The following ENOX1 variants were observed in gnomAD, a reference collection of about 807,000 sequenced individuals.
ENOX1 encodes ecto-NOX disulfide-thiol exchanger 1.
In ENOX1, 42 loss-of-function variants were observed where a neutral mutation model predicts 82.5. The ratio of observed to expected loss-of-function variants is 0.51; its 90% CI spans 0.40 to 0.66. The LOEUF is 0.66. ENOX1 is among the 30% of genes least tolerant of loss of function. The probability of loss-of-function intolerance (pLI) is 0.00; values close to 1 mark genes in which losing one functional copy is unlikely to be tolerated. For missense variants in ENOX1, 608 were observed against 811.6 expected (o/e 0.75, Z 3.05); for synonymous variants, 271 against 282.2 (o/e 0.96, Z 0.40).
intron 14 of ENOX1, among the ~76,000 whole-genome samples, chr13:43,251,949 T>C (rs1047325492): frequency 1.2e-4 from 18 of 152,258 alleles, no homozygotes; most frequent in South Asian, 2.1e-4. Context: ...GTGTGTGTGA[T>C]TGTGCGTGTG....
At chr13:43,405,639 G>A (rs2053750566) in intron 5 of ENOX1, among the ~76,000 whole-genome samples, 1 of 152,116 alleles carries the variant, frequency 6.6e-6, no homozygotes, top group African/African-American at 2.4e-5. Flanking sequence ...TGTTCCATGT[G>A]GTCTTAGTCA....
rs1351887090 is a variant in ENOX1, at chr13:43,511,980, T to C, written c.-218-27828A>G. On this transcript the variant is annotated intron_variant, in intron 2 of 16. Transcript: ENST00000690772. ...ATGGATATTATATATATATACACTA[T>C]GGACAATATATATAGTATCTATGGA... Among the ~76,000 whole-genome samples the C allele has an allele frequency of 2.0e-5, 3 of 152,136 alleles. No individual in the cohort carries two copies. The East Asian group carries it at 5.8e-4, about 29-fold the overall frequency.
chr13:43,371,646 CAT>C (rs1207208925), intron 5 of ENOX1, among the ~76,000 whole-genome samples: 1 of 152,122 alleles, frequency 6.6e-6, no homozygotes, highest in African/African-American at 2.4e-5. Flanking sequence ...GGTAACGTCT[CAT>C]AAATTTTAAA....
At position 43,667,544 on chromosome 13, in the gene ENOX1, C is replaced by G; in HGVS notation, c.-284G>C. 8.2e-6 allele frequency: 8 copies of G among 976,092 alleles called. No homozygotes were observed. Among genetic ancestry groups the G allele is most frequent in the Non-Finnish European group, 9.7e-6 (8 of 821,290 alleles). 60.5% of individuals were successfully genotyped at this position (976,092 alleles called of 1,614,324 possible). A position where few individuals can be genotyped will look rare whatever the true frequency, so the allele number is the denominator to read the frequency against. On this transcript the variant is annotated splice_region_variant and 5_prime_UTR_variant, in exon 2 of 17. Coordinates refer to ENST00000690772, the MANE Select transcript of ENOX1 (RefSeq NM_001347969.2). ...ACGACATCATGCTGGCAGCAAAGGA[C>G]CTGTAAAATAAAGGCCATCTTGTTA...
chr13:43,628,315 CATT>C (rs1402047228), intron 2 of ENOX1, among the ~76,000 whole-genome samples: 2 of 152,084 alleles, frequency 1.3e-5, no homozygotes, highest in Non-Finnish European at 2.9e-5. Context: ...TTACTCTCAT[CATT>C]GAGATTGGAA....
intron 2 of ENOX1, among the ~76,000 whole-genome samples, chr13:43,629,905 A>C (rs144772065): frequency 2.3e-3 from 352 of 152,294 alleles, no homozygotes; most frequent in Non-Finnish European, 3.7e-3. Context: ...GCCCTAGTTC[A>C]TCTAATTTGA....
At chr13:43,707,460 G>T (rs796331693) in intron 1 of ENOX1, among the ~76,000 whole-genome samples, 1 of 152,128 alleles carries the variant, frequency 6.6e-6, no homozygotes, top group Non-Finnish European at 1.5e-5. Flanking sequence ...ACAGGGTGGG[G>T]CGCAGTGGCT....
intron 8 of ENOX1, among the ~76,000 whole-genome samples, chr13:43,354,017 G>A (rs1307477928): frequency 6.6e-6 from 1 of 152,206 alleles, no homozygotes; most frequent in African/African-American, 2.4e-5. Context: ...ACGCTTTTAT[G>A]AAATTCCTCC....
chr13:43,707,725 C>G lies in ENOX1; in HGVS notation c.-284-40181G>C, dbSNP rs141770141. 5.6e-3 allele frequency among the ~76,000 whole-genome samples: 490 copies of G among 87,222 alleles called. 2 individuals carry two copies. Among genetic ancestry groups the G allele is most frequent in the African/African-American group, 0.021 (444 of 21,202 alleles). 57.2% of individuals were successfully genotyped at this position (87,222 alleles called of 152,430 possible). A position where few individuals can be genotyped will look rare whatever the true frequency, so the allele number is the denominator to read the frequency against. On this transcript the variant is annotated intron_variant, in intron 1 of 16. Transcript: ENST00000690772. ...TCCAGCCTGGTGACAGAGAAAGACT[C>G]TGTCTCAAAAAAAAAAAAAAAAAAA...
chr13:43,616,836 TTTTG>T (rs2082500605), intron 2 of ENOX1, among the ~76,000 whole-genome samples: 1 of 152,066 alleles, frequency 6.6e-6, no homozygotes, highest in East Asian at 1.9e-4. Flanking sequence ...CCTCAGGAAT[TTTTG>T]TTTAATTTTG....
intron 1 of ENOX1, among the ~76,000 whole-genome samples, chr13:43,773,378 G>C (rs1233531171): frequency 1.3e-5 from 2 of 152,150 alleles, no homozygotes; most frequent in Admixed American, 6.5e-5. Context: ...AAAAGCAAAA[G>C]CAAAAACACT....
chr13:43,265,223 G>A (rs2044298947), intron 14 of ENOX1, among the ~76,000 whole-genome samples, 175 bp downstream of exon 14: 1 of 152,176 alleles, frequency 6.6e-6, no homozygotes, highest in Non-Finnish European at 1.5e-5. Context: ...TGATAAACTA[G>A]GCTGACAATA....
At chr13:43,502,291 C>T (rs1272082798) in intron 2 of ENOX1, among the ~76,000 whole-genome samples, 1 of 151,540 alleles carries the variant, frequency 6.6e-6, no homozygotes, top group Non-Finnish European at 1.5e-5. Flanking sequence ...TTCTATCAAA[C>T]ATTTAAAGAA....
intron 2 of ENOX1, among the ~76,000 whole-genome samples, chr13:43,487,631 C>T (rs1039692434): frequency 3.3e-5 from 5 of 152,152 alleles, no homozygotes; most frequent in African/African-American, 7.2e-5. Context: ...AAGCTCTAGA[C>T]GTGCCAATTA....
At chr13:43,634,135 T>G (rs1019587708) in intron 2 of ENOX1, among the ~76,000 whole-genome samples, 1 of 152,154 alleles carries the variant, frequency 6.6e-6, no homozygotes, top group Non-Finnish European at 1.5e-5. Flanking sequence ...GCAAAACCCC[T>G]TGGGTGGTAG....
chr13:43,286,002 C>A (rs1289628594), intron 12 of ENOX1, among the ~76,000 whole-genome samples: 1 of 152,058 alleles, frequency 6.6e-6, no homozygotes, highest in African/African-American at 2.4e-5. Context: ...TAGAGGAAAG[C>A]CCTGGAGCAT....
chr13:43,420,022 A>T (rs182383692), intron 3 of ENOX1, among the ~76,000 whole-genome samples: 1 of 152,306 alleles, frequency 6.6e-6, no homozygotes, highest in Admixed American at 6.5e-5. Flanking sequence ...GGTATCAGCA[A>T]ATTTCTTATT....
intron 3 of ENOX1, among the ~76,000 whole-genome samples, chr13:43,453,064 T>C (rs150053317): frequency 1.8e-3 from 278 of 152,340 alleles, no homozygotes; most frequent in African/African-American, 6.5e-3. Context: ...CTATGCTTGC[T>C]ATATCATTAT....
At chr13:43,477,490 T>G (rs1035578197) in intron 3 of ENOX1, among the ~76,000 whole-genome samples, 3 of 152,116 alleles carry the variant, frequency 2.0e-5, no homozygotes, top group African/African-American at 7.2e-5. Context: ...TGAGCTGAGC[T>G]GAGAATATAC....
Sources: gnomAD v4.1 joint callset for allele counts (sites outside exome capture counted in the v4.1 genomes callset) on GRCh38, gnomAD v4.1.1 for gene constraint, MANE v1.5 for transcripts, NCBI Gene and HGNC (gene_info 2026-07-23, HGNC 2026-07-21) for gene names.